Variants in TAFA2 observed in about 807,000 individuals in gnomAD.
TAFA2 encodes TAFA chemokine like family member 2.
A neutral mutation model predicts 18.8 loss-of-function variants in TAFA2; 7 were observed. The observed-to-expected ratio is 0.37, with a 90% confidence interval of 0.21 to 0.70. TAFA2 has a LOEUF of 0.70. Ranked by LOEUF, TAFA2 falls within the 30% of genes least tolerant of loss-of-function variation. The pLI is 0.53. For missense variants in TAFA2, 122 were observed against 158.1 expected (o/e 0.77, Z 1.23); for synonymous variants, 60 against 54.2 (o/e 1.11, Z -0.47).
At chr12:61,851,120 G>C (rs1223367544) in intron 2 of TAFA2, among the ~76,000 whole-genome samples, 1 of 152,134 alleles carries the variant, frequency 6.6e-6, no homozygotes, top group African/African-American at 2.4e-5. Context: ...AGAGCTTACA[G>C]TTAAGTGAGA....
At chr12:61,740,145 T>C (rs1304189131) in intron 4 of TAFA2, among the ~76,000 whole-genome samples, 1 of 152,124 alleles carries the variant, frequency 6.6e-6, no homozygotes, top group Non-Finnish European at 1.5e-5. Context: ...TCACCAGTTT[T>C]CTTTTAACAG....
chr12:62,010,511 T>C (rs1880701583), intron 1 of TAFA2, among the ~76,000 whole-genome samples: 1 of 152,272 alleles, frequency 6.6e-6, no homozygotes, highest in South Asian at 2.1e-4. Flanking sequence ...CGCTGCAACC[T>C]GCACCTTCCA....
intron 1 of TAFA2, among the ~76,000 whole-genome samples, chr12:61,969,771 C>A (rs893644413): frequency 1.3e-5 from 2 of 151,604 alleles, no homozygotes; most frequent in African/African-American, 4.8e-5. Flanking sequence ...ACTCAATACA[C>A]GTTTGAACTT....
chr12:61,973,521 T>G (rs1453543245), intron 1 of TAFA2, among the ~76,000 whole-genome samples: 1 of 151,530 alleles, frequency 6.6e-6, no homozygotes, highest in African/African-American at 2.4e-5. Flanking sequence ...TGTCTTCACA[T>G]TATTAGCAGA....
At chr12:61,713,934 T>C (rs1565746548) in intron 4 of TAFA2, among the ~76,000 whole-genome samples, 2 of 152,204 alleles carry the variant, frequency 1.3e-5, no homozygotes, top group South Asian at 2.1e-4. Context: ...CGTTAATATA[T>C]CAAATTAAGC....
intron 1 of TAFA2, among the ~76,000 whole-genome samples, chr12:61,920,109 T>C (rs1418592555): frequency 6.6e-6 from 1 of 152,202 alleles, no homozygotes; most frequent in African/African-American, 2.4e-5. Flanking sequence ...AATATAAATA[T>C]AACTGATGTA....
chr12:62,012,533 A>G (rs1412399860), intron 1 of TAFA2, among the ~76,000 whole-genome samples: 1 of 152,156 alleles, frequency 6.6e-6, no homozygotes. Context: ...TCAAACTTCC[A>G]TTGCTTACAT....
chr12:62,224,253 A>G (rs2062776629), intron 1 of TAFA2, among the ~76,000 whole-genome samples: 1 of 152,188 alleles, frequency 6.6e-6, no homozygotes. Context: ...TTCCACCTGT[A>G]TGACGTACCA....
At chr12:62,096,585 A>T (rs1005596360) in intron 1 of TAFA2, among the ~76,000 whole-genome samples, 1 of 152,174 alleles carries the variant, frequency 6.6e-6, no homozygotes, top group African/African-American at 2.4e-5. Context: ...CCCCTTTTCT[A>T]AGTATTTCCA....
chr12:61,767,677 C>T (rs775679810), intron 2 of TAFA2, among the ~76,000 whole-genome samples: 18 of 152,102 alleles, frequency 1.2e-4, no homozygotes, highest in Middle Eastern at 3.2e-3. Flanking sequence ...CTTTTCTCTA[C>T]ACTTCAGCAA....
At chr12:61,938,873 A>G (rs1220093215) in intron 1 of TAFA2, among the ~76,000 whole-genome samples, 1 of 152,098 alleles carries the variant, frequency 6.6e-6, no homozygotes, top group Non-Finnish European at 1.5e-5. Context: ...GCAAAGGCAT[A>G]CAGAGTGACA....
intron 4 of TAFA2, among the ~76,000 whole-genome samples, chr12:61,721,580 A>C (rs940961824): frequency 1.3e-5 from 2 of 152,202 alleles, no homozygotes; most frequent in Non-Finnish European, 2.9e-5. Flanking sequence ...TTAATTATGT[A>C]ATCCTCATTA....
intron 4 of TAFA2, among the ~76,000 whole-genome samples, chr12:61,715,890 C>T (rs1025046420): frequency 6.6e-6 from 1 of 151,684 alleles, no homozygotes; most frequent in Non-Finnish European, 1.5e-5. Context: ...GCACTCCAGC[C>T]TGGATGACAC....
intron 1 of TAFA2, among the ~76,000 whole-genome samples, chr12:61,920,418 A>G (rs920816830): frequency 5.3e-5 from 8 of 152,196 alleles, no homozygotes; most frequent in African/African-American, 1.9e-4. Context: ...AAAGATGGAA[A>G]GTTGGCACCA....
intron 2 of TAFA2, among the ~76,000 whole-genome samples, chr12:61,763,843 T>A (rs1192617216): frequency 6.6e-6 from 1 of 151,938 alleles, no homozygotes; most frequent in Non-Finnish European, 1.5e-5. Flanking sequence ...CCTTGGTGTA[T>A]GCCCTTCTGC....
chr12:61,899,935 GCAGA>G (rs1208205843), intron 1 of TAFA2, among the ~76,000 whole-genome samples: 2 of 152,178 alleles, frequency 1.3e-5, no homozygotes, highest in African/African-American at 4.8e-5. Flanking sequence ...CCATTTTATA[GCAGA>G]CACCTGAGCA....
At chr12:61,988,859 A>C (rs1157397112) in intron 1 of TAFA2, among the ~76,000 whole-genome samples, 1 of 152,174 alleles carries the variant, frequency 6.6e-6, no homozygotes. Flanking sequence ...TCAAACAAGC[A>C]GAATAAAGAT....
At chr12:61,730,282 G>A (rs1328343207) in intron 4 of TAFA2, among the ~76,000 whole-genome samples, 1 of 152,082 alleles carries the variant, frequency 6.6e-6, no homozygotes, top group Non-Finnish European at 1.5e-5. Flanking sequence ...GGAATTAGCT[G>A]GTGTATTTTT....
intron 1 of TAFA2, among the ~76,000 whole-genome samples, chr12:61,895,117 C>G (rs1312653764): frequency 6.6e-6 from 1 of 152,018 alleles, no homozygotes; most frequent in Non-Finnish European, 1.5e-5. Context: ...TGGTACCTAG[C>G]AGTGAGCCAA....
Sources: gnomAD v4.1 joint callset for allele counts (sites outside exome capture counted in the v4.1 genomes callset) on GRCh38, gnomAD v4.1.1 for gene constraint, MANE v1.5 for transcripts, NCBI Gene and HGNC (gene_info 2026-07-23, HGNC 2026-07-21) for gene names.